Variants in HMCN2 observed in about 807,000 individuals in gnomAD.
The protein encoded by HMCN2 is hemicentin-2.
HMCN2 carries 325 observed loss-of-function variants against 377.5 expected under a neutral mutation model. The ratio of observed to expected loss-of-function variants is 0.86; its 90% CI spans 0.79 to 0.94. The LOEUF is 0.94. Ranked by LOEUF, HMCN2 falls within the 40% of genes least tolerant of loss-of-function variation. HMCN2 has a pLI of 0.00. For missense variants in HMCN2, 4,543 were observed against 4,725.3 expected, an observed-to-expected ratio of 0.96 and a Z score of 1.13; for synonymous variants, 2,007 against 2,046.8, an observed-to-expected ratio of 0.98 and a Z score of 0.53.
In HMCN2 at chr9:130,394,141, G is replaced by A. The variant is rs529665094; in HGVS notation, c.10501+133G>A. ...ACTGCCACCTGGGAGCAGAACTCAG[G>A]GAACTTGGTTCTGGCTGGGATGCCT... On this transcript the variant is annotated intron_variant, in intron 68 of 97. Transcript: ENST00000683500. This position sits in a 1 kb window ranked among gnomAD's most constrained non-coding sequence, Gnocchi z 5.1. The A allele has an allele frequency of 3.7e-4, 339 of 907,008 alleles. 6 individuals are homozygous for A. The South Asian group carries it at 5.5e-3, about 15-fold the overall frequency. 56.2% of individuals were successfully genotyped at this position (907,008 alleles called of 1,614,324 possible).
chr9:130,336,306 A>G (rs1838745057), intron 22 of HMCN2, among the ~76,000 whole-genome samples: 1 of 152,224 alleles, frequency 6.6e-6, no homozygotes, highest in South Asian at 2.1e-4. Flanking sequence ...ATATCGTGAT[A>G]TAGCTCGTGA....
At chr9:130,384,027 C>T (rs954580880) in intron 57 of HMCN2, among the ~76,000 whole-genome samples, 14 of 152,304 alleles carry the variant, frequency 9.2e-5, no homozygotes, top group African/African-American at 3.4e-4. Context: ...CAACTCATGA[C>T]GTACACCGCA....
intron 1 of HMCN2, among the ~76,000 whole-genome samples, chr9:130,274,426 A>G (rs1588153056): frequency 6.6e-6 from 1 of 152,136 alleles, no homozygotes; most frequent in East Asian, 1.9e-4. Flanking sequence ...ATTATTCTTT[A>G]ATATACAGCT....
In HMCN2 at chr9:130,361,409, C is replaced by T. The variant is rs2131564902; in HGVS notation, c.5951-599C>T. ...GGAATTTGAGAAACTGAAAGGAGGC[C>T]ACGGGGCCTGGGATTTACAACACTG... On this transcript the variant is annotated intron_variant, in intron 38 of 97. Transcript: ENST00000683500. The surrounding 1 kb of genome is among the most constrained non-coding windows in gnomAD (Gnocchi z 4.8). 6.6e-6 allele frequency among the ~76,000 whole-genome samples: 1 copy of T among 152,276 alleles called. No individual in the cohort carries two copies. Among genetic ancestry groups the T allele is most frequent in the Middle Eastern group, 3.4e-3 (1 of 294 alleles).
rs1459191386 is a variant in HMCN2 at position 130,416,108 on chromosome 9, T to TA, written c.12962-2664_12962-2663insA. Among the ~76,000 whole-genome samples, 20 of 75,014 alleles carry TA rather than the reference T, an allele frequency of 2.7e-4. 1 individual carries two copies. The highest frequency in any genetic ancestry group is 8.0e-4 in the East Asian group (2 of 2,500). The allele number at this position is 75,014 out of a possible 152,430, so 49.2% of individuals were successfully genotyped here. On this transcript the variant is annotated intron_variant, in intron 85 of 97. Transcript: ENST00000683500. The stretch of plus-strand genomic sequence containing the variant: ...AAAGTTCTAGAGGCTTTATTTTTTT[T>TA]TTTTTTTTTTTTTGGAGACAGAGTC...
At position 130,428,563 on chromosome 9, in the gene HMCN2, G is replaced by A. The variant is rs577050655; in HGVS notation, c.14197+74G>A. On this transcript the variant is annotated intron_variant, in intron 93 of 97. Transcript: ENST00000683500. This position sits in a 1 kb window ranked among gnomAD's most constrained non-coding sequence, Gnocchi z 5.0. ...GGTTGCCAGGGATCAGCTGACAGGG[G>A]GCTGTGTGTCACTGGGCTCTGGGCT... is the stretch of plus-strand genomic sequence containing the variant. 226 of 1,510,856 alleles carry A rather than the reference G, an allele frequency of 1.5e-4. No individual in the cohort carries two copies. In the East Asian group the frequency reaches 5.2e-3, roughly 35 times the overall value. The allele number at this position is 1,510,856 out of a possible 1,614,324, so 93.6% of individuals were successfully genotyped here. A position where few individuals can be genotyped will look rare whatever the true frequency, so the allele number is the denominator to read the frequency against.
rs190448823 is a variant in HMCN2 at position 130,425,089 on chromosome 9, G to A, written c.13600G>A (p.Val4534Ile). Residue 4534 changes from valine (V) to isoleucine (I), a missense_variant, in exon 89 of 98, where the codon GTT becomes ATT. This residue lies in a region of HMCN2 where 1,155 missense variants were observed against 1,157.7 expected (regional missense o/e 1.00). Transcript: ENST00000683500. ...GCTCCTCGACGTGGTGGTCAATGGC[G>A]TTGTCCCCGAGAGCCTGGCTGACGC... ...LLLLDVVVNG[V>I]VPESLADADL... 374 of 1,549,974 alleles carry A rather than the reference G, an allele frequency of 2.4e-4. No individual in the cohort carries two copies. The highest frequency in any genetic ancestry group is 8.6e-4 in the South Asian group (72 of 84,030).
rs1046204315 is a variant in HMCN2 at position 130,379,313 on chromosome 9, G to A, written c.8277G>A (p.Glu2759=). Residue 2759 remains glutamate (E), a synonymous_variant, in exon 54 of 98, where the codon GAG becomes GAA. Coordinates refer to ENST00000683500, the MANE Select transcript of HMCN2 (RefSeq NM_001291815.2). ...SAAFEILSRE[E]EARGGVTEYR... The stretch of plus-strand genomic sequence containing the variant: ...CCTTCGAGATCCTGTCCCGGGAGGA[G>A]GAGGCCCGGGGCGGAGTCACGGAAT... 49 of 985,756 alleles carry A rather than the reference G, an allele frequency of 5.0e-5. No individual in the cohort carries two copies. In the Middle Eastern group the frequency reaches 2.6e-3, roughly 53 times the overall value. The allele number at this position is 985,756 out of a possible 1,614,324, so 61.1% of individuals were successfully genotyped here.
intron 86 of HMCN2, among the ~76,000 whole-genome samples, chr9:130,421,384 G>A (rs1487199177): frequency 6.6e-6 from 1 of 152,196 alleles, no homozygotes; most frequent in Non-Finnish European, 1.5e-5. Context: ...GGTGAAGGGA[G>A]TTCAGGGTTT....
chr9:130,340,958 G>A (rs1159197325), intron 23 of HMCN2, among the ~76,000 whole-genome samples, 153 bp from the exon 24 acceptor site: 2 of 152,240 alleles, frequency 1.3e-5, no homozygotes, highest in East Asian at 1.9e-4. Flanking sequence ...GGGAGTCCAC[G>A]TGAGGTGTCC....
At chr9:130,298,229 CA>C (rs1390747856) in intron 7 of HMCN2, among the ~76,000 whole-genome samples, 1 of 152,110 alleles carries the variant, frequency 6.6e-6, no homozygotes, top group Non-Finnish European at 1.5e-5. Flanking sequence ...GCTGGGATTA[CA>C]GTCATGAGCC....
chr9:130,305,525 C>G (rs1836800084), intron 11 of HMCN2, among the ~76,000 whole-genome samples: 1 of 152,196 alleles, frequency 6.6e-6, no homozygotes, highest in South Asian at 2.1e-4. Context: ...CAAGCATTCT[C>G]TCTTGTGCCA....
chr9:130,415,206 A>G lies in HMCN2; in HGVS notation c.12962-3566A>G, dbSNP rs1302032998. Among the ~76,000 whole-genome samples the G allele has an allele frequency of 2.0e-5, 3 of 152,210 alleles. 1 individual carries two copies. Among genetic ancestry groups the G allele is most frequent in the African/African-American group, 7.2e-5 (3 of 41,456 alleles). On this transcript the variant is annotated intron_variant, in intron 85 of 97. Coordinates refer to ENST00000683500, the MANE Select transcript of HMCN2 (RefSeq NM_001291815.2). ...AGGTCTGCTAAGATGGAAGATTTAAATAAGAGCCCAAATCTTATCATACTG... is the reference window on the plus strand; with the variant it reads ...AGGTCTGCTAAGATGGAAGATTTAAGTAAGAGCCCAAATCTTATCATACTG...
At chr9:130,323,795 C>T (rs999327516) in intron 19 of HMCN2, among the ~76,000 whole-genome samples, 8 of 152,086 alleles carry the variant, frequency 5.3e-5, no homozygotes, top group African/African-American at 1.4e-4. Context: ...CTCCACTTCC[C>T]GGGTTCAAGC....
chr9:130,338,488 C>T (rs1838875668), intron 23 of HMCN2: 1 of 152,302 alleles, frequency 6.6e-6, no homozygotes, highest in African/African-American at 2.4e-5. Flanking sequence ...CTTCTGAGCC[C>T]CTGCTCCCAC....
At chr9:130,388,954 C>T (rs544650307) in intron 62 of HMCN2, among the ~76,000 whole-genome samples, 94 of 152,332 alleles carry the variant, frequency 6.2e-4, no homozygotes, top group African/African-American at 2.2e-3. Flanking sequence ...CCCCATCCCC[C>T]ATCCAGGCCT....
intron 31 of HMCN2, 53 bp downstream of exon 31, chr9:130,353,258 C>T (rs1042478363): frequency 1.6e-5 from 20 of 1,278,154 alleles, no homozygotes; most frequent in Non-Finnish European, 1.8e-5. Flanking sequence ...GGGACTCAGC[C>T]ATGGTGGCCC....
At position 130,313,402 on chromosome 9, in the gene HMCN2, CAT is replaced by C. The variant is rs1837369572; in HGVS notation, c.2350+3342_2350+3343del. Among the ~76,000 whole-genome samples, 726 of 152,024 alleles carry C rather than the reference CAT, an allele frequency of 4.8e-3. 2 individuals carry two copies. The highest frequency in any genetic ancestry group is 6.9e-3 in the Non-Finnish European group (469 of 67,858). Reference sequence around the variant, plus strand: ...CTGGTGGATTACCTTCCGAGCCTGGCATCTGCCAGTCAGGAGTCCTAGGCTCC... The same window carrying C: ...CTGGTGGATTACCTTCCGAGCCTGGCCTGCCAGTCAGGAGTCCTAGGCTCC... On this transcript the variant is annotated intron_variant, in intron 15 of 97. Coordinates refer to ENST00000683500, the MANE Select transcript of HMCN2 (RefSeq NM_001291815.2).
Position 130,374,564 on chromosome 9 carries a change from C to T in HMCN2, c.7501C>T (p.His2501Tyr), listed in dbSNP as rs1487016411. The T allele has an allele frequency of 1.0e-6, 1 of 985,528 alleles. No individual in the cohort carries two copies. Among genetic ancestry groups the T allele is most frequent in the Non-Finnish European group, 1.2e-6 (1 of 829,820 alleles). 61.0% of individuals were successfully genotyped at this position (985,528 alleles called of 1,614,324 possible). A position where few individuals can be genotyped will look rare whatever the true frequency, so the allele number is the denominator to read the frequency against. ...CCGGCCTCTGGCTAGGGGAGATGCT[C>T]ACCACATCTCCCCAGACGGAGTCCT... ...DGRPLARGDA[H>Y]HISPDGVLLQ... is the part of the protein sequence containing the mutation. The change falls in exon 49 of 98, where the codon CAC becomes TAC. Residue 2501 changes from histidine to tyrosine, a missense_variant. By Grantham distance (83) the His-to-Tyr change is moderately conservative. This residue lies in a region of HMCN2 where 736 missense variants were observed against 773.2 expected (regional missense o/e 0.95). Coordinates refer to ENST00000683500, the MANE Select transcript of HMCN2 (RefSeq NM_001291815.2).
Sources: gnomAD v4.1 joint callset for allele counts (sites outside exome capture counted in the v4.1 genomes callset) on GRCh38, gnomAD v4.1.1 for gene constraint, gnomAD v4.1.1 regional missense constraint, Gnocchi (gnomAD v3.1) non-coding constraint, MANE v1.5 for transcripts, NCBI Gene and HGNC (gene_info 2026-07-23, HGNC 2026-07-21) for gene names.